GBE1: variants seen among roughly 807,000 people sequenced by gnomAD.
GBE1 encodes 1,4-alpha-glucan-branching enzyme.
Under a neutral mutation model 88.8 loss-of-function variants are expected in GBE1, and 70 were observed. That is an observed-to-expected ratio of 0.79 (90% CI 0.65 to 0.96). GBE1 has a LOEUF of 0.96. Ranked by LOEUF, GBE1 falls within the 40% of genes least tolerant of loss-of-function variation. GBE1 has a pLI of 0.00. For missense variants in GBE1, 872 were observed against 871.0 expected, an observed-to-expected ratio of 1.00 and a Z score of -0.01; for synonymous variants, 284 against 300.1, an observed-to-expected ratio of 0.95 and a Z score of 0.56.
chr3:81,707,973 C>A (rs1256250534), intron 1 of GBE1, among the ~76,000 whole-genome samples: 1 of 151,966 alleles, frequency 6.6e-6, no homozygotes, highest in African/African-American at 2.4e-5. Flanking sequence ...TTTACTTTCT[C>A]TGTTGCATTG....
intron 7 of GBE1, among the ~76,000 whole-genome samples, chr3:81,623,031 T>C (rs1704354182): frequency 6.6e-6 from 1 of 152,170 alleles, no homozygotes; most frequent in Admixed American, 6.6e-5. Flanking sequence ...AATGATCTTT[T>C]CAGTAATGTC....
At chr3:81,610,826 C>T (rs1449082024) in intron 7 of GBE1, among the ~76,000 whole-genome samples, 1 of 152,118 alleles carries the variant, frequency 6.6e-6, no homozygotes, top group African/African-American at 2.4e-5. Flanking sequence ...GGATTGTGAG[C>T]ACTGACAAGT....
intron 14 of GBE1, among the ~76,000 whole-genome samples, chr3:81,523,828 T>A (rs956472143): frequency 1.3e-5 from 2 of 151,850 alleles, no homozygotes; most frequent in African/African-American, 2.4e-5. Flanking sequence ...AATAACAAGA[T>A]CTCATTCCTT....
intron 1 of GBE1, 147 bp from the exon 2 acceptor site, chr3:81,705,760 G>A (rs1055552098): frequency 2.0e-6 from 1 of 503,626 alleles, no homozygotes; most frequent in Non-Finnish European, 3.4e-6. Flanking sequence ...TTTATTAGTA[G>A]AGGCTACCTG....
chr3:81,667,458 C>T (rs1338471075), intron 3 of GBE1, among the ~76,000 whole-genome samples: 2 of 151,994 alleles, frequency 1.3e-5, no homozygotes, highest in Admixed American at 1.3e-4. Flanking sequence ...GCCTGATTGC[C>T]CTGGCCAGAA....
Position 81,730,777 on chromosome 3 carries a change from C to T in GBE1, c.144-25164G>A, listed in dbSNP as rs184785564. ...TAAAGGTTAACTTCATAAAGAACCC[C>T]GTGTAGCCAATACGGAGGCAGCTGT... On this transcript the variant is annotated intron_variant, in intron 1 of 15. Transcript: ENST00000429644. Among the ~76,000 whole-genome samples the T allele has an allele frequency of 8.5e-5, 13 of 152,218 alleles. 1 individual carries two copies. In the South Asian group the frequency reaches 1.5e-3, roughly 17 times the overall value.
intron 14 of GBE1, among the ~76,000 whole-genome samples, chr3:81,501,450 T>C (rs528960406): frequency 3.9e-5 from 6 of 152,240 alleles, no homozygotes; most frequent in African/African-American, 1.2e-4. Context: ...CCATCTCTTG[T>C]TTCTCAAACA....
chr3:81,575,355 T>C (rs1703633890), intron 12 of GBE1, among the ~76,000 whole-genome samples: 1 of 152,118 alleles, frequency 6.6e-6, no homozygotes, highest in African/African-American at 2.4e-5. Flanking sequence ...TTCACAGCTA[T>C]AACCAGAGTG....
At chr3:81,517,281 C>A (rs1702809434) in intron 14 of GBE1, among the ~76,000 whole-genome samples, 1 of 151,502 alleles carries the variant, frequency 6.6e-6, no homozygotes, top group African/African-American at 2.4e-5. Context: ...ACAGAAGGCT[C>A]AGATGACCAT....
intron 1 of GBE1, among the ~76,000 whole-genome samples, chr3:81,726,010 T>G (rs1706107550): frequency 6.6e-6 from 1 of 152,140 alleles, no homozygotes; most frequent in African/African-American, 2.4e-5. Flanking sequence ...CTCAACATAT[T>G]TCTTCTTAAT....
chr3:81,501,137 G>C (rs1469381382), intron 14 of GBE1, among the ~76,000 whole-genome samples: 1 of 152,094 alleles, frequency 6.6e-6, no homozygotes, highest in East Asian at 1.9e-4. Flanking sequence ...GAAACCATTA[G>C]ACCCAAACAT....
Position 81,642,947 on chromosome 3 carries a change from C to G in GBE1, c.826G>C (p.Ala276Pro), listed in dbSNP as rs2107059765. 1 of 1,612,816 alleles carries G rather than the reference C, an allele frequency of 6.2e-7. No homozygotes were observed. The highest frequency in any genetic ancestry group is 8.5e-7 in the Non-Finnish European group (1 of 1,179,240). ...AGGACTATGATACCCATGGAATGAGCTGTGTCTACCAGTTCTTGTAGCTCT... is the reference window on the plus strand; with the variant it reads ...AGGACTATGATACCCATGGAATGAGGTGTGTCTACCAGTTCTTGTAGCTCT... ...PEELQELVDT[A>P]HSMGIIVLLD... is the part of the protein sequence containing the mutation. Residue 276 changes from alanine to proline, a missense_variant, in exon 7 of 16, where the codon GCT (alanine) becomes CCT (proline). Physicochemically the swap from Ala to Pro is conservative, Grantham distance 27 (BLOSUM62 -1). Transcript: ENST00000429644.
intron 12 of GBE1, among the ~76,000 whole-genome samples, chr3:81,568,803 T>G (rs1484520966): frequency 6.6e-6 from 1 of 152,126 alleles, no homozygotes; most frequent in Non-Finnish European, 1.5e-5. Flanking sequence ...TATATGTGCA[T>G]GTGAGTATAT....
chr3:81,752,876 A>G (rs1575778844), intron 1 of GBE1, among the ~76,000 whole-genome samples: 3 of 152,354 alleles, frequency 2.0e-5, no homozygotes, highest in Middle Eastern at 6.8e-3. Context: ...AGAAGCAAAC[A>G]GTAAAATCTT....
chr3:81,586,212 C>A (rs771605578), intron 9 of GBE1, 22 bp from the exon 10 acceptor site: 2 of 1,420,494 alleles, frequency 1.4e-6, no homozygotes, highest in Non-Finnish European at 2.0e-6. Context: ...AACGTCGGTT[C>A]ATAATGATCA....
In GBE1 at chr3:81,511,216, T is replaced by C. The variant is rs140807049; in HGVS notation, c.1935-11989A>G. 4.9e-3 allele frequency among the ~76,000 whole-genome samples: 738 copies of C among 152,052 alleles called. 9 individuals are homozygous for C. The highest frequency in any genetic ancestry group is 0.017 in the African/African-American group (702 of 41,504). On this transcript the variant is annotated intron_variant, in intron 14 of 15. Transcript: ENST00000429644. The stretch of plus-strand genomic sequence containing the variant: ...GATTTAAATGTAAGAACTCAAACTA[T>C]AAAAACCCTAGAAGAAAACCTAGGA...
intron 8 of GBE1, among the ~76,000 whole-genome samples, chr3:81,592,948 C>T (rs917818975): frequency 6.6e-5 from 10 of 152,152 alleles, no homozygotes; most frequent in African/African-American, 2.4e-5. Flanking sequence ...CAGTAGCACA[C>T]TTTGAATGTT....
At chr3:81,650,038 C>A in intron 3 of GBE1, 117 bp from the exon 4 acceptor site, 1 of 748,818 alleles carries the variant, frequency 1.3e-6, no homozygotes. Flanking sequence ...GAATCTAGAC[C>A]ACCATACAGA....
At chr3:81,714,264 GAA>G (rs1042315299) in intron 1 of GBE1, among the ~76,000 whole-genome samples, 1 of 152,122 alleles carries the variant, frequency 6.6e-6, no homozygotes, top group Non-Finnish European at 1.5e-5. Context: ...TCAATGGTGA[GAA>G]AATGGTTAGA....
Sources: allele counts gnomAD v4.1 joint callset (sites outside exome capture counted in the v4.1 genomes callset), GRCh38; gene constraint gnomAD v4.1.1; transcripts MANE v1.5; gene names NCBI Gene and HGNC (gene_info 2026-07-23, HGNC 2026-07-21).